Variants in AGAP1 observed in about 807,000 individuals in gnomAD.
AGAP1 encodes the protein ArfGAP with GTPase domain, ankyrin repeat and PH domain 1.
A neutral mutation model predicts 105.3 loss-of-function variants in AGAP1; 29 were observed. The ratio of observed to expected loss-of-function variants is 0.28; its 90% confidence interval spans 0.21 to 0.38. The LOEUF (loss-of-function observed/expected upper bound fraction) is 0.38, where lower values mean the gene tolerates loss of function less well. Ranked by LOEUF, AGAP1 falls within the 10% of genes least tolerant of loss-of-function variation. AGAP1 has a pLI of 1.00. For synonymous variants in AGAP1, 509 were observed against 485.9 expected (o/e 1.05, Z -0.63); for missense variants, 998 against 1,165.1 (o/e 0.86, Z 2.09).
rs1313721720 is a variant in AGAP1 at position 235,874,838 on chromosome 2, C to A, written c.1051-8507C>A. On this transcript the variant is annotated intron_variant, in intron 9 of 17. Transcript: ENST00000304032. This position sits in a 1 kb window ranked among gnomAD's most constrained non-coding sequence, Gnocchi z 4.5. ...GCATGTGTGTGTGCGTGTGCTCTTG[C>A]ACACGCTCATGGATCAAGGCAGAGG... Among the ~76,000 whole-genome samples the A allele has an allele frequency of 6.6e-6, 1 of 152,194 alleles. No homozygotes were observed. Among genetic ancestry groups the A allele is most frequent in the African/African-American group, 2.4e-5 (1 of 41,464 alleles).
Position 235,559,277 on chromosome 2 carries a change from T to C in AGAP1, c.163+64428T>C, listed in dbSNP as rs1442046755. Among the ~76,000 whole-genome samples the C allele has an allele frequency of 6.6e-6, 1 of 152,054 alleles. No homozygotes were observed. The highest frequency in any genetic ancestry group is 1.5e-5 in the Non-Finnish European group (1 of 68,016). Reference sequence around the variant, plus strand: ...CAGCTTAGTCTTTATAAAAATACGATGAAGGGGTGATTTGGGTGTCCCAAG... The same window carrying C: ...CAGCTTAGTCTTTATAAAAATACGACGAAGGGGTGATTTGGGTGTCCCAAG... On this transcript the variant is annotated intron_variant, in intron 1 of 17. Coordinates refer to ENST00000304032, the MANE Select transcript of AGAP1 (RefSeq NM_001037131.3). This position sits in a 1 kb window ranked among gnomAD's most constrained non-coding sequence, Gnocchi z 5.7.
In AGAP1 at chr2:235,719,798, T is replaced by G. The variant is rs1298141996; in HGVS notation, c.310+2154T>G. On this transcript the variant is annotated intron_variant, in intron 3 of 17. Transcript: ENST00000304032. The surrounding 1 kb of genome is among the most constrained non-coding windows in gnomAD (Gnocchi z 4.9). The stretch of plus-strand genomic sequence containing the variant: ...TTTTGACTCGAGGTCCCAGGGATTG[T>G]TCTGTGGGAGTGTGAGGAGCTGACA... Among the ~76,000 whole-genome samples the G allele has an allele frequency of 6.6e-6, 1 of 152,164 alleles. No homozygotes were observed. The highest frequency in any genetic ancestry group is 1.9e-4 in the East Asian group (1 of 5,174).
chr2:235,683,076 G>A (rs1949174929), intron 1 of AGAP1, among the ~76,000 whole-genome samples: 1 of 152,158 alleles, frequency 6.6e-6, no homozygotes, highest in Non-Finnish European at 1.5e-5. Context: ...GGAGGCCGAG[G>A]TGGGCAGATC....
intron 1 of AGAP1, among the ~76,000 whole-genome samples, chr2:235,528,203 C>G (rs1942914069): frequency 6.6e-6 from 1 of 151,896 alleles, no homozygotes; most frequent in African/African-American, 2.4e-5. Flanking sequence ...GACCTCCTTC[C>G]CCATCCCCCC....
At chr2:235,604,728 G>A (rs1377059722) in intron 1 of AGAP1, among the ~76,000 whole-genome samples, 2 of 150,862 alleles carry the variant, frequency 1.3e-5, no homozygotes, top group Admixed American at 6.6e-5. Context: ...GACTACAGGC[G>A]CCCGCTACCA....
rs1420221367 is a variant in AGAP1 at position 235,556,289 on chromosome 2, A to G, written c.163+61440A>G. ...GTCCAGGTCCAAGAACAAGCCTGTG[A>G]CCCCCTGGGTCCCCTTTGTCCTTGG... is the stretch of plus-strand genomic sequence containing the variant. On this transcript the variant is annotated intron_variant, in intron 1 of 17. Coordinates refer to ENST00000304032, the MANE Select transcript of AGAP1 (RefSeq NM_001037131.3). This position sits in a 1 kb window ranked among gnomAD's most constrained non-coding sequence, Gnocchi z 5.3. Among the ~76,000 whole-genome samples, 1 of 152,028 alleles carries G rather than the reference A, an allele frequency of 6.6e-6. No homozygotes were observed. The highest frequency in any genetic ancestry group is 1.5e-5 in the Non-Finnish European group (1 of 68,000).
chr2:235,834,997 T>G (rs1401186856), intron 9 of AGAP1, among the ~76,000 whole-genome samples: 1 of 152,170 alleles, frequency 6.6e-6, no homozygotes, highest in Non-Finnish European at 1.5e-5. Context: ...AGGAATGACT[T>G]CAGAAACCAG....
At position 235,851,641 on chromosome 2, in the gene AGAP1, T is replaced by G. The variant is rs950778597; in HGVS notation, c.1051-31704T>G. Among the ~76,000 whole-genome samples the G allele has an allele frequency of 2.6e-5, 4 of 152,108 alleles. No individual in the cohort carries two copies. The East Asian group carries it at 7.7e-4, about 29-fold the overall frequency. The stretch of plus-strand genomic sequence containing the variant: ...CATACTCTAGGCTTATCTCCGTGTG[T>G]GTGGCCCTGAACCCAGAACACCCGG... On this transcript the variant is annotated intron_variant, in intron 9 of 17. Transcript: ENST00000304032.
rs1296377779 is a variant in AGAP1, at chr2:235,535,513, A to G, written c.163+40664A>G. ...GGATTTAAAAAAAAAAAAAACATGA[A>G]ATGAAATCCGTGTCCTCTTTATCCT... is the stretch of plus-strand genomic sequence containing the variant. On this transcript the variant is annotated intron_variant, in intron 1 of 17. Coordinates refer to ENST00000304032, the MANE Select transcript of AGAP1 (RefSeq NM_001037131.3). The surrounding 1 kb of genome is among the most constrained non-coding windows in gnomAD (Gnocchi z 5.1). Among the ~76,000 whole-genome samples the G allele has an allele frequency of 6.6e-6, 1 of 151,260 alleles. No individual in the cohort carries two copies. Among genetic ancestry groups the G allele is most frequent in the Non-Finnish European group, 1.5e-5 (1 of 67,850 alleles).
At chr2:235,592,567 A>G (rs1010314943) in intron 1 of AGAP1, among the ~76,000 whole-genome samples, 3 of 152,178 alleles carry the variant, frequency 2.0e-5, no homozygotes, top group Non-Finnish European at 2.9e-5. Context: ...GAGTCAGCCA[A>G]TCAGGCCTTC....
In AGAP1 at chr2:235,639,049, G is replaced by A. The variant is rs1947106125; in HGVS notation, c.164-70130G>A. Among the ~76,000 whole-genome samples, 1 of 152,182 alleles carries A rather than the reference G, an allele frequency of 6.6e-6. No individual in the cohort carries two copies. The highest frequency in any genetic ancestry group is 1.5e-5 in the Non-Finnish European group (1 of 68,026). On this transcript the variant is annotated intron_variant, in intron 1 of 17. Coordinates refer to ENST00000304032, the MANE Select transcript of AGAP1 (RefSeq NM_001037131.3). The surrounding 1 kb of genome is among the most constrained non-coding windows in gnomAD (Gnocchi z 5.3). ...AAAATAGTGTCAGTAGGGGTGGAGA[G>A]AAGGGGACAAAAGAGTCTTAGAGCC... is the stretch of plus-strand genomic sequence containing the variant.
chr2:235,824,420 C>G lies in AGAP1; in HGVS notation c.1050+17089C>G, dbSNP rs1958959638. On this transcript the variant is annotated intron_variant, in intron 9 of 17. Transcript: ENST00000304032. The surrounding 1 kb of genome is among the most constrained non-coding windows in gnomAD (Gnocchi z 5.2). Reference sequence around the variant, plus strand: ...CAGTGTAATTAAATATTTCAGAGCACTTGGCTACAGTAGCATTGAACTGTG... The same window carrying G: ...CAGTGTAATTAAATATTTCAGAGCAGTTGGCTACAGTAGCATTGAACTGTG... Among the ~76,000 whole-genome samples, 1 of 152,166 alleles carries G rather than the reference C, an allele frequency of 6.6e-6. No homozygotes were observed. The highest frequency in any genetic ancestry group is 1.5e-5 in the Non-Finnish European group (1 of 68,032).
chr2:235,917,509 G>T (rs1230106555), intron 11 of AGAP1, among the ~76,000 whole-genome samples: 3 of 151,170 alleles, frequency 2.0e-5, no homozygotes, highest in African/African-American at 7.3e-5. Context: ...TTTCCACTTA[G>T]CCGGCTCTAA....
chr2:235,767,018 A>T (rs2675132), intron 6 of AGAP1, among the ~76,000 whole-genome samples: 1 of 150,752 alleles, frequency 6.6e-6, no homozygotes, highest in Non-Finnish European at 1.5e-5. Context: ...GATTCAAGCA[A>T]TTCTCCTGAT....
Position 235,867,396 on chromosome 2 carries a change from G to A in AGAP1, c.1051-15949G>A, listed in dbSNP as rs996938171. Among the ~76,000 whole-genome samples, 2 of 152,164 alleles carry A rather than the reference G, an allele frequency of 1.3e-5. No homozygotes were observed. Among genetic ancestry groups the A allele is most frequent in the Admixed American group, 1.3e-4 (2 of 15,276 alleles). ...AAGAGGCAGAGGATCAGATTTGGCC[G>A]ACATGTGGGAGCTTGCCGGCCCCAG... On this transcript the variant is annotated intron_variant, in intron 9 of 17. Coordinates refer to ENST00000304032, the MANE Select transcript of AGAP1 (RefSeq NM_001037131.3). This position sits in a 1 kb window ranked among gnomAD's most constrained non-coding sequence, Gnocchi z 5.4.
chr2:235,647,491 G>A (rs1205022962), intron 1 of AGAP1, among the ~76,000 whole-genome samples: 4 of 152,076 alleles, frequency 2.6e-5, no homozygotes, highest in African/African-American at 4.8e-5. Context: ...AGGCTCAAGC[G>A]ATCCTCTCAC....
chr2:235,952,282 C>G (rs1019124963), intron 12 of AGAP1, among the ~76,000 whole-genome samples: 3 of 150,972 alleles, frequency 2.0e-5, no homozygotes, highest in Admixed American at 2.0e-4. Context: ...AGTGGCCCAG[C>G]AAAATCCTAA....
intron 16 of AGAP1, among the ~76,000 whole-genome samples, chr2:236,091,456 A>C (rs866585200): frequency 3.3e-5 from 5 of 152,324 alleles, no homozygotes; most frequent in Middle Eastern, 3.4e-3. Context: ...CAGGTGCACT[A>C]TTAGGCACTT....
In AGAP1 at chr2:235,927,458, G is replaced by T. The variant is rs116504790; in HGVS notation, c.1325-3307G>T. 6.0e-3 allele frequency among the ~76,000 whole-genome samples: 909 copies of T among 152,328 alleles called. 11 individuals carry two copies. Among genetic ancestry groups the T allele is most frequent in the African/African-American group, 0.02 (839 of 41,580 alleles). ...CAGTACATTCACAGCAGCATTCACA[G>T]CAGAGTCCTGTTGTTTCCTAGTGTG... On this transcript the variant is annotated intron_variant, in intron 11 of 17. Coordinates refer to ENST00000304032, the MANE Select transcript of AGAP1 (RefSeq NM_001037131.3). This position sits in a 1 kb window ranked among gnomAD's most constrained non-coding sequence, Gnocchi z 4.4.
Sources: allele counts gnomAD v4.1 joint callset (sites outside exome capture counted in the v4.1 genomes callset), GRCh38; gene constraint gnomAD v4.1.1; non-coding constraint Gnocchi (gnomAD v3.1); transcripts MANE v1.5; gene names NCBI Gene and HGNC (gene_info 2026-07-23, HGNC 2026-07-21).